LRRC41: variants seen among roughly 807,000 people sequenced by gnomAD.
LRRC41 encodes the protein leucine rich repeat containing 41, also known as leucine-rich repeat-containing protein 41.
Under a neutral mutation model 72.1 loss-of-function variants are expected in LRRC41, and 17 were observed. The ratio of observed to expected loss-of-function variants is 0.24; its 90% CI spans 0.16 to 0.35. The LOEUF is 0.35. Ranked by LOEUF, LRRC41 falls within the 10% of genes least tolerant of loss-of-function variation. The pLI is 1.00. For missense variants in LRRC41, 759 were observed against 1,065.0 expected (o/e 0.71, Z 4.00); for synonymous variants, 427 against 431.0 (o/e 0.99, Z 0.11).
At position 46,285,515 on chromosome 1, in the gene LRRC41, G is replaced by C. The variant is rs550036963; in HGVS notation, c.1342C>G (p.Leu448Val). 9.3e-6 allele frequency: 15 copies of C among 1,614,008 alleles called. No individual in the cohort carries two copies. The African/African-American group carries it at 1.9e-4, about 20-fold the overall frequency. The part of the protein sequence containing the change: ...GALDGSDPSC[L>V]GLPALEASQR... ...GAAGCTTCCAGTGCTGGAAGCCCCAGGCAGCTGGGATCTGATCCATCCAAA... is the reference window on the plus strand; with the variant it reads ...GAAGCTTCCAGTGCTGGAAGCCCCACGCAGCTGGGATCTGATCCATCCAAA... The change falls in exon 4 of 10, where the codon CTG (leucine) becomes GTG (valine). Residue 448 changes from leucine (L) to valine (V), a missense_variant. Leu to Val is a conservative substitution (Grantham distance 32). Around this residue, in one of 4 missense-constraint regions of LRRC41, gnomAD observed 427 missense variants for 520.9 expected, o/e 0.82. Transcript: ENST00000617190. This position sits in a 1 kb window ranked among gnomAD's most constrained non-coding sequence, Gnocchi z 5.3.
At chr1:46,287,178 G>A (rs1435280208) in intron 3 of LRRC41, among the ~76,000 whole-genome samples, 1 of 148,894 alleles carries the variant, frequency 6.7e-6, no homozygotes, top group South Asian at 2.1e-4. Context: ...GCGTGATCTC[G>A]GCACACTGCA....
At chr1:46,283,029 A>AG (rs1221003539) in intron 4 of LRRC41, among the ~76,000 whole-genome samples, 1 of 152,054 alleles carries the variant, frequency 6.6e-6, no homozygotes, top group East Asian at 1.9e-4. Context: ...TGTCAAAAAA[A>AG]AAAAAAAAAA....
At chr1:46,297,133 A>G (rs1557718811) in intron 3 of LRRC41, 1 of 161,216 alleles carries the variant, frequency 6.2e-6, no homozygotes, top group African/African-American at 2.4e-5. Flanking sequence ...GCTTCAACAC[A>G]TTGTTGACTA....
Position 46,278,184 on chromosome 1 carries a change from C to A in LRRC41, c.*681G>T. 1 of 1,613,716 alleles carries A rather than the reference C, an allele frequency of 6.2e-7. No homozygotes were observed. Among genetic ancestry groups the A allele is most frequent in the Non-Finnish European group, 8.5e-7 (1 of 1,179,872 alleles). ...CCACTGCACTGATAAGTGGGGGCTCCGGGATGAGGTACTCCAGGCTGCCTG... is the reference window on the plus strand; with the variant it reads ...CCACTGCACTGATAAGTGGGGGCTCAGGGATGAGGTACTCCAGGCTGCCTG... On this transcript the variant is annotated 3_prime_UTR_variant, in exon 10 of 10. Transcript: ENST00000617190.
intron 1 of LRRC41, chr1:46,298,651 G>A (rs572265832): frequency 3.5e-6 from 1 of 287,634 alleles, no homozygotes; most frequent in African/African-American, 2.2e-5. Flanking sequence ...GAGCTGGTCA[G>A]TTCACTTCTG....
At chr1:46,287,555 C>T (rs968378945) in intron 3 of LRRC41, among the ~76,000 whole-genome samples, 1 of 152,200 alleles carries the variant, frequency 6.6e-6, no homozygotes, top group African/African-American at 2.4e-5. Flanking sequence ...CCCTACTGCC[C>T]TTCCACCCTC....
chr1:46,293,744 ATT>A (rs1661065837), intron 3 of LRRC41, among the ~76,000 whole-genome samples: 1 of 150,620 alleles, frequency 6.6e-6, no homozygotes, highest in Non-Finnish European at 1.5e-5. Flanking sequence ...TAATTTTTGT[ATT>A]TTTATTTTGT....
intron 1 of LRRC41, chr1:46,299,941 T>G (rs944982264): frequency 6.6e-6 from 1 of 152,182 alleles, no homozygotes; most frequent in Non-Finnish European, 1.5e-5. Context: ...GACATTGTTG[T>G]GAAGATCATG....
At chr1:46,301,441 C>A (rs1448643074) in intron 1 of LRRC41, among the ~76,000 whole-genome samples, 1 of 151,724 alleles carries the variant, frequency 6.6e-6, no homozygotes. Context: ...CATGGGTCGG[C>A]CTGCCCCTTG....
rs377132922 is a variant in LRRC41 at position 46,278,166 on chromosome 1, A to T, written c.*699T>A. On this transcript the variant is annotated 3_prime_UTR_variant, in exon 10 of 10. Coordinates refer to ENST00000617190, the MANE Select transcript of LRRC41 (RefSeq NM_006369.5). The stretch of plus-strand genomic sequence containing the variant: ...AGACCTGGCAGGGTGGAACCACTGC[A>T]CTGATAAGTGGGGGCTCCGGGATGA... The T allele has an allele frequency of 6.2e-7, 1 of 1,613,810 alleles. No homozygotes were observed. The highest frequency in any genetic ancestry group is 8.5e-7 in the Non-Finnish European group (1 of 1,179,890).
At chr1:46,298,449 A>C (rs1661167455) in intron 1 of LRRC41, 79 bp from the exon 2 acceptor site, 1 of 819,204 alleles carries the variant, frequency 1.2e-6, no homozygotes, top group Admixed American at 2.5e-5. Context: ...TATTTATTCT[A>C]CTGGAAAGGA....
chr1:46,286,206 C>T lies in LRRC41; in HGVS notation c.651G>A (p.Leu217=), dbSNP rs1468043901. Residue 217 remains leucine (L), a synonymous_variant, in exon 4 of 10, where the codon CTG becomes CTA. Transcript: ENST00000617190. This position sits in a 1 kb window ranked among gnomAD's most constrained non-coding sequence, Gnocchi z 5.5. The part of the protein sequence containing the change: ...DVAAQQSLRQ[L]LHQLIHHGAV... Reference sequence around the variant, plus strand: ...CCCCATGGTGAATGAGCTGATGCAACAGCTGCCGAAGTGACTGCTGAGCAG... The same window carrying T: ...CCCCATGGTGAATGAGCTGATGCAATAGCTGCCGAAGTGACTGCTGAGCAG... 6.2e-7 allele frequency: 1 copy of T among 1,614,248 alleles called. No homozygotes were observed. Among genetic ancestry groups the T allele is most frequent in the Non-Finnish European group, 8.5e-7 (1 of 1,180,042 alleles).
At chr1:46,294,171 A>G (rs983835693) in intron 3 of LRRC41, among the ~76,000 whole-genome samples, 1 of 150,256 alleles carries the variant, frequency 6.7e-6, no homozygotes, top group East Asian at 2.0e-4. Context: ...CTGGAGTGCG[A>G]TGGTGTGATC....
intron 1 of LRRC41, chr1:46,298,789 T>A (rs1195947147): frequency 1.3e-5 from 2 of 156,680 alleles, no homozygotes; most frequent in Non-Finnish European, 2.8e-5. Context: ...CACACTTAAC[T>A]ACTTTTTCAT....
chr1:46,277,959 G>C lies in LRRC41; in HGVS notation c.*906C>G. 2 of 1,614,150 alleles carry C rather than the reference G, an allele frequency of 1.2e-6. No homozygotes were observed. The highest frequency in any genetic ancestry group is 1.7e-6 in the Non-Finnish European group (2 of 1,180,028). On this transcript the variant is annotated 3_prime_UTR_variant, in exon 10 of 10. Coordinates refer to ENST00000617190, the MANE Select transcript of LRRC41 (RefSeq NM_006369.5). Reference sequence around the variant, plus strand: ...GAGCTGTTTATCCTGGATGAAGCTAGCCTCAGTGACACACATGACAGGTGG... The same window carrying C: ...GAGCTGTTTATCCTGGATGAAGCTACCCTCAGTGACACACATGACAGGTGG...
At chr1:46,298,147 AG>A (rs1661159947) in intron 2 of LRRC41, 136 bp downstream of exon 2, 1 of 608,270 alleles carries the variant, frequency 1.6e-6, no homozygotes, top group Non-Finnish European at 2.9e-6. Flanking sequence ...CTGAGGAATG[AG>A]GAAGAAAAAT....
chr1:46,288,593 C>G (rs2148318702), intron 3 of LRRC41, among the ~76,000 whole-genome samples: 1 of 152,338 alleles, frequency 6.6e-6, no homozygotes, highest in East Asian at 1.9e-4. Context: ...TACCCTGCCT[C>G]CATGCATTCC....
chr1:46,285,802 G>A lies in LRRC41; in HGVS notation c.1055C>T (p.Pro352Leu). Residue 352 changes from proline to leucine, a missense_variant, in exon 4 of 10, where the codon CCT (proline) becomes CTT (leucine). Around this residue, in one of 4 missense-constraint regions of LRRC41, gnomAD observed 427 missense variants for 520.9 expected, o/e 0.82. Transcript: ENST00000617190. The surrounding 1 kb of genome is among the most constrained non-coding windows in gnomAD (Gnocchi z 5.3). Reference sequence around the variant, plus strand: ...AGCAGAAGGTGACCGCTTGGTGCCAGGAGCCTCATGGGAGGTGGCTGGGGG... The same window carrying A: ...AGCAGAAGGTGACCGCTTGGTGCCAAGAGCCTCATGGGAGGTGGCTGGGGG... ...LHPPATSHEA[P>L]GTKRSPSAPA... The A allele has an allele frequency of 6.3e-7, 1 of 1,594,196 alleles. No homozygotes were observed. Among genetic ancestry groups the A allele is most frequent in the South Asian group, 1.1e-5 (1 of 88,294 alleles).
intron 5 of LRRC41, 89 bp downstream of exon 5, chr1:46,281,036 C>T (rs1446748460): frequency 8.4e-5 from 130 of 1,538,542 alleles, no homozygotes; most frequent in Non-Finnish European, 9.8e-5. Flanking sequence ...TAGAAGAGGT[C>T]CTTCCCCTTT....
Sources: gnomAD v4.1 joint callset for allele counts (sites outside exome capture counted in the v4.1 genomes callset) on GRCh38, gnomAD v4.1.1 for gene constraint, gnomAD v4.1.1 regional missense constraint, Gnocchi (gnomAD v3.1) non-coding constraint, MANE v1.5 for transcripts, NCBI Gene and HGNC (gene_info 2026-07-23, HGNC 2026-07-21) for gene names.